HAP1: variants seen among roughly 807,000 people sequenced by gnomAD.
HAP1 encodes the protein huntingtin-associated protein 1.
Under a neutral mutation model 60.3 loss-of-function variants are expected in HAP1, and 59 were observed. The observed-to-expected ratio is 0.98, with a 90% CI of 0.79 to 1.22. HAP1 has a LOEUF of 1.22. Among genes scored for constraint, HAP1 ranks in the 50% most tolerant of loss-of-function variants. The pLI, the probability that HAP1 is intolerant of heterozygous loss-of-function variation, is 0.00. For synonymous variants in HAP1, 346 were observed against 330.6 expected (o/e 1.05, Z -0.50); for missense variants, 825 against 785.3 (o/e 1.05, Z -0.60).
chr17:41,734,027 C>A (rs1314350837), intron 1 of HAP1, 139 bp downstream of exon 1: 3 of 657,088 alleles, frequency 4.6e-6, no homozygotes, highest in Non-Finnish European at 7.7e-6. Context: ...CAGACAGACA[C>A]CGCAGTGACA....
chr17:41,725,291 G>A, intron 10 of HAP1, 137 bp from the exon 11 acceptor site: 3 of 698,016 alleles, frequency 4.3e-6, no homozygotes, highest in Admixed American at 3.0e-5. Flanking sequence ...CTAGGTACCA[G>A]CTCCAAGGCT....
downstream of HAP1, among the ~76,000 whole-genome samples, chr17:41,720,534 G>A (rs1166993766): frequency 6.6e-6 from 1 of 152,178 alleles, no homozygotes; most frequent in African/African-American, 2.4e-5. Flanking sequence ...GATGGACACA[G>A]TTGAAAATGT....
rs1555592247 is a variant in HAP1 at position 41,734,542 on chromosome 17, G to C, written c.93C>G (p.Ala31=). The change falls in exon 1 of 11, where the codon GCC becomes GCG. Residue 31 remains alanine (A), a synonymous_variant. Transcript: ENST00000347901. ...GCGCAGAGGGCTCCGGAGCGGGACT[G>C]GCTGAGGGCGAAGGTGCACAGGTGA... ...AALTCAPSPS[A]SPAPEPSAQP... 2.5e-6 allele frequency: 4 copies of C among 1,610,234 alleles called. No individual in the cohort carries two copies. In the South Asian group the frequency reaches 4.4e-5, roughly 18 times the overall value.
At chr17:41,729,565 A>G (rs1555589999) in intron 6 of HAP1, among the ~76,000 whole-genome samples, 1 of 144,262 alleles carries the variant, frequency 6.9e-6, no homozygotes, top group Non-Finnish European at 1.5e-5. Flanking sequence ...AAAAAAAAAA[A>G]AAAAAAAAAA....
rs930597285 is a variant in HAP1, at chr17:41,724,425, G to A, written c.*276C>T. ...GGGGGATAGAGGAGGCAGGGGTTGG[G>A]GGCAGGGGAAGCAAGCGGGCAGAGA... On this transcript the variant is annotated 3_prime_UTR_variant, in exon 11 of 11. Transcript: ENST00000347901. 4 of 395,994 alleles carry A rather than the reference G, an allele frequency of 1.0e-5. No homozygotes were observed. The highest frequency in any genetic ancestry group is 8.0e-5 in the African/African-American group (4 of 50,214). 24.5% of individuals were successfully genotyped at this position (395,994 alleles called of 1,614,324 possible).
intron 8 of HAP1, chr17:41,727,442 C>T (rs1217723695): frequency 1.8e-5 from 14 of 778,626 alleles, no homozygotes; most frequent in East Asian, 1.2e-4. Flanking sequence ...GCTGGGAACC[C>T]ACCCACACGC....
chr17:41,718,794 G>A (rs1034360200), downstream of HAP1, among the ~76,000 whole-genome samples: 2 of 152,136 alleles, frequency 1.3e-5, no homozygotes, highest in East Asian at 1.9e-4. Flanking sequence ...GTGTCCTTCC[G>A]TTGAGTGAGG....
chr17:41,728,983 G>A (rs570751731), intron 6 of HAP1, among the ~76,000 whole-genome samples: 44 of 152,100 alleles, frequency 2.9e-4, no homozygotes, highest in Non-Finnish European at 5.7e-4. Context: ...AATCTCTGTC[G>A]TCCAGGCAGG....
Position 41,724,038 on chromosome 17 carries a change from C to A in HAP1, c.*663G>T, listed in dbSNP as rs1242589525. The A allele has an allele frequency of 2.0e-5, 3 of 152,566 alleles. No homozygotes were observed. The highest frequency in any genetic ancestry group is 7.2e-5 in the African/African-American group (3 of 41,460). The allele number at this position is 152,566 out of a possible 1,614,324, so 9.5% of individuals were successfully genotyped here. On this transcript the variant is annotated 3_prime_UTR_variant, in exon 11 of 11. Coordinates refer to ENST00000347901, the MANE Select transcript of HAP1 (RefSeq NM_177977.3). Reference sequence around the variant, plus strand: ...GCATGAGTGTCACAAGGTCATCTTTCATGTCCTGCGGCTCCTTAAAGAGGC... The same window carrying A: ...GCATGAGTGTCACAAGGTCATCTTTAATGTCCTGCGGCTCCTTAAAGAGGC...
downstream of HAP1, chr17:41,717,900 G>A (rs1477372829): frequency 2.3e-5 from 10 of 435,946 alleles, no homozygotes; most frequent in Non-Finnish European, 5.0e-5. Context: ...GGCATTGCTG[G>A]TGTCTCACTC....
chr17:41,725,620 T>C lies in HAP1; in HGVS notation c.1406+239A>G, dbSNP rs1295866477. Among the ~76,000 whole-genome samples, 6 of 152,102 alleles carry C rather than the reference T, an allele frequency of 3.9e-5. No homozygotes were observed. In the East Asian group the frequency reaches 5.8e-4, roughly 15 times the overall value. On this transcript the variant is annotated intron_variant, in intron 10 of 10. Transcript: ENST00000347901. The stretch of plus-strand genomic sequence containing the variant: ...CCAGTGCCTGTCACCTCTCAGCCCA[T>C]AGTCAGTTGAAAAGAAAGCTTCAGT...
Position 41,730,031 on chromosome 17 carries a change from AAGAG to A in HAP1, c.1069+1458_1069+1461del, listed in dbSNP as rs369845518. On this transcript the variant is annotated intron_variant, in intron 6 of 10. Transcript: ENST00000347901. ...TCCATCTCAAAAAAAAAAAGAAAGA[AAGAG>A]AGAGAGAGAGAGAGAGAGAAGGAAG... 10 of 21,438 alleles carry A rather than the reference AAGAG, an allele frequency of 4.7e-4. 2 individuals carry two copies. The highest frequency in any genetic ancestry group is 1.0e-3 in the African/African-American group (4 of 3,878). The allele number at this position is 21,438 out of a possible 1,614,324, so 1.3% of individuals were successfully genotyped here.
chr17:41,732,929 G>A (rs1912341064), intron 1 of HAP1, 131 bp from the exon 2 acceptor site: 2 of 664,066 alleles, frequency 3.0e-6, no homozygotes, highest in African/African-American at 3.5e-5. Context: ...AGAAGACTGG[G>A]CTCCCCTCCT....
chr17:41,726,719 C>T (rs1049752314), intron 9 of HAP1, among the ~76,000 whole-genome samples: 8 of 151,564 alleles, frequency 5.3e-5, no homozygotes, highest in African/African-American at 1.5e-4. Context: ...AAAAAGTAGC[C>T]GGGCGTGATG....
At chr17:41,730,945 C>G (rs868949817) in intron 6 of HAP1, among the ~76,000 whole-genome samples, 1 of 150,390 alleles carries the variant, frequency 6.6e-6, no homozygotes, top group Middle Eastern at 3.4e-3. Flanking sequence ...GAGTCTTGCT[C>G]TGTCGCCCAG....
chr17:41,725,160 CG>C lies in HAP1; in HGVS notation c.1407-7del. On this transcript the variant is annotated splice_region_variant and splice_polypyrimidine_tract_variant and intron_variant, in intron 10 of 10. Coordinates refer to ENST00000347901, the MANE Select transcript of HAP1 (RefSeq NM_177977.3). ...CACTGTAGCGAAAATCATACCTGGGCGGGAGATAGCGACATCTTTTGAGGGG... is the reference window on the plus strand; with the variant it reads ...CACTGTAGCGAAAATCATACCTGGGCGGAGATAGCGACATCTTTTGAGGGG... 6.4e-7 allele frequency: 1 copy of C among 1,560,494 alleles called. No individual in the cohort carries two copies. The highest frequency in any genetic ancestry group is 1.2e-5 in the South Asian group (1 of 83,184).
At position 41,734,344 on chromosome 17, in the gene HAP1, G is replaced by T; in HGVS notation, c.291C>A (p.Pro97=). ...GGGTCCACGGCGCGTCCGAATTGTC[G>T]GGCATAGACCGGACATCCCCTTGGA... is the stretch of plus-strand genomic sequence containing the variant. The part of the protein sequence containing the change: ...SAIQGDVRSM[P]DNSDAPWTRF... Residue 97 remains proline, a synonymous_variant, in exon 1 of 11, where the codon CCC becomes CCA. Coordinates refer to ENST00000347901, the MANE Select transcript of HAP1 (RefSeq NM_177977.3). 1 of 1,608,130 alleles carries T rather than the reference G, an allele frequency of 6.2e-7. No homozygotes were observed. The highest frequency in any genetic ancestry group is 2.2e-5 in the East Asian group (1 of 44,688).
rs1491191472 is a variant in HAP1 at position 41,730,057 on chromosome 17, G to GAAGGA, written c.1069+1435_1069+1436insTCCTT. 1.6e-4 allele frequency: 2 copies of GAAGGA among 12,502 alleles called. 1 individual carries two copies. The highest frequency in any genetic ancestry group is 7.3e-4 in the African/African-American group (2 of 2,738). 0.8% of individuals were successfully genotyped at this position (12,502 alleles called of 1,614,324 possible). A position where few individuals can be genotyped will look rare whatever the true frequency, so the allele number is the denominator to read the frequency against. ...AGAGAGAGAGAGAGAGAGAGAGAAG[G>GAAGGA]AAGAAAAGAAAGAAAAGAAAGAAAA... On this transcript the variant is annotated intron_variant, in intron 6 of 10. Coordinates refer to ENST00000347901, the MANE Select transcript of HAP1 (RefSeq NM_177977.3).
Position 41,734,257 on chromosome 17 carries a change from C to G in HAP1, c.378G>C (p.Ala126=). 3 of 1,605,718 alleles carry G rather than the reference C, an allele frequency of 1.9e-6. No individual in the cohort carries two copies. Among genetic ancestry groups the G allele is most frequent in the Non-Finnish European group, 2.6e-6 (3 of 1,175,306 alleles). The change falls in exon 1 of 11, where the codon GCG becomes GCC. Residue 126 remains alanine (A), a synonymous_variant. Transcript: ENST00000347901. ...RATGRGTGKA[A]GIWKTPAAYV... is the part of the protein sequence containing the mutation. ...AGGCGGCTGGCGTCTTCCAGATGCC[C>G]GCTGCCTTTCCAGTCCCCCGGCCAG...
Sources: allele counts gnomAD v4.1 joint callset (sites outside exome capture counted in the v4.1 genomes callset), GRCh38; gene constraint gnomAD v4.1.1; transcripts MANE v1.5; gene names NCBI Gene and HGNC (gene_info 2026-07-23, HGNC 2026-07-21).